Variants in AGBL4 observed in about 807,000 individuals in gnomAD.
The protein encoded by AGBL4 is cytosolic carboxypeptidase 6.
In AGBL4, 58 loss-of-function variants were observed where a neutral mutation model predicts 66.4. That is an observed-to-expected ratio of 0.87 (90% CI 0.71 to 1.09). AGBL4 has a LOEUF of 1.09. Among genes scored for constraint, AGBL4 ranks in the 50% least tolerant of loss-of-function variants. AGBL4 has a pLI of 0.00. For missense variants in AGBL4, 579 were observed against 631.0 expected (o/e 0.92, Z 0.88); for synonymous variants, 234 against 222.9 (o/e 1.05, Z -0.44).
intron 9 of AGBL4, among the ~76,000 whole-genome samples, chr1:48,628,798 T>C (rs1354384641): frequency 6.6e-6 from 1 of 151,390 alleles, no homozygotes; most frequent in Non-Finnish European, 1.5e-5. Context: ...AATGCAGATT[T>C]CTCAAAAAAG....
At position 49,644,109 on chromosome 1, in the gene AGBL4, C is replaced by A. The variant is rs899068960; in HGVS notation, c.282+53204G>T. Among the ~76,000 whole-genome samples, 15 of 151,486 alleles carry A rather than the reference C, an allele frequency of 9.9e-5. 1 individual carries two copies. Among genetic ancestry groups the A allele is most frequent in the Middle Eastern group, 6.8e-3 (2 of 294 alleles). On this transcript the variant is annotated intron_variant, in intron 3 of 13. Transcript: ENST00000371839. ...ATTCTTGTGAGGTTGTTATAATACA[C>A]AATAAGTGGCATAATATTACTTGAA...
At chr1:49,885,858 G>T in intron 1 of AGBL4, among the ~76,000 whole-genome samples, 1 of 152,102 alleles carries the variant, frequency 6.6e-6, no homozygotes, top group East Asian at 1.9e-4. Context: ...ATTCAGTACA[G>T]ACAATATAGT....
chr1:48,529,598 T>C (rs769562238), downstream of AGBL4, among the ~76,000 whole-genome samples: 2 of 152,132 alleles, frequency 1.3e-5, no homozygotes, highest in Non-Finnish European at 2.9e-5. Context: ...GTGGCCCTGA[T>C]GCCCCTTTGG....
At chr1:48,929,131 C>A (rs1654827804) in intron 5 of AGBL4, among the ~76,000 whole-genome samples, 1 of 152,222 alleles carries the variant, frequency 6.6e-6, no homozygotes, top group Non-Finnish European at 1.5e-5. Flanking sequence ...TATAACTTGG[C>A]ACATCTCCAA....
At chr1:49,354,861 A>G (rs895800984) in intron 3 of AGBL4, among the ~76,000 whole-genome samples, 9 of 152,220 alleles carry the variant, frequency 5.9e-5, no homozygotes, top group African/African-American at 2.2e-4. Context: ...ACAATTACTT[A>G]CCAGCTTATT....
At chr1:49,608,019 T>C (rs1645090886) in intron 3 of AGBL4, among the ~76,000 whole-genome samples, 1 of 152,294 alleles carries the variant, frequency 6.6e-6, no homozygotes, top group South Asian at 2.1e-4. Flanking sequence ...ATGTCTTTTA[T>C]GTGCCAGACT....
intron 4 of AGBL4, among the ~76,000 whole-genome samples, chr1:49,113,439 GA>G (rs1645453776): frequency 6.6e-6 from 1 of 151,628 alleles, no homozygotes; most frequent in Non-Finnish European, 1.5e-5. Context: ...TTTTAGTAGA[GA>G]TGGGGTTTGA....
At chr1:49,859,140 T>C (rs952213092) in intron 1 of AGBL4, among the ~76,000 whole-genome samples, 1 of 152,188 alleles carries the variant, frequency 6.6e-6, no homozygotes, top group Non-Finnish European at 1.5e-5. Context: ...AGTTGACATA[T>C]TAGCAATATC....
intron 3 of AGBL4, among the ~76,000 whole-genome samples, chr1:49,375,692 C>A (rs981129101): frequency 6.6e-6 from 1 of 152,082 alleles, no homozygotes. Flanking sequence ...GAAATATGGA[C>A]AAAGCACAAT....
intron 9 of AGBL4, among the ~76,000 whole-genome samples, chr1:48,605,034 C>T (rs1645134594): frequency 6.6e-6 from 1 of 152,200 alleles, no homozygotes; most frequent in Non-Finnish European, 1.5e-5. Flanking sequence ...ATACTATCAA[C>T]AACCTACACA....
intron 5 of AGBL4, among the ~76,000 whole-genome samples, chr1:49,041,536 A>G (rs973691030): frequency 2.0e-5 from 3 of 152,142 alleles, no homozygotes; most frequent in Non-Finnish European, 4.4e-5. Context: ...TCAAAGGGCC[A>G]GGACATGGTG....
At chr1:49,201,024 C>G (rs888591262) in intron 4 of AGBL4, among the ~76,000 whole-genome samples, 1 of 152,038 alleles carries the variant, frequency 6.6e-6, no homozygotes, top group Non-Finnish European at 1.5e-5. Context: ...TCTTATTGCC[C>G]CAGATAGTCC....
chr1:49,305,039 G>A (rs1355708686), intron 3 of AGBL4, among the ~76,000 whole-genome samples: 1 of 152,064 alleles, frequency 6.6e-6, no homozygotes, highest in East Asian at 1.9e-4. Flanking sequence ...AAGAATTACT[G>A]TCTTTACAGA....
chr1:48,825,891 G>A (rs1394521536), intron 6 of AGBL4, among the ~76,000 whole-genome samples: 1 of 152,166 alleles, frequency 6.6e-6, no homozygotes, highest in Admixed American at 6.5e-5. Flanking sequence ...AAGCAGGGAA[G>A]TCCTGTGCTG....
chr1:49,057,896 T>TG (rs1401698762), intron 4 of AGBL4, among the ~76,000 whole-genome samples: 2 of 152,150 alleles, frequency 1.3e-5, no homozygotes, highest in African/African-American at 4.8e-5. Context: ...ATGGAGTGAA[T>TG]GTGTATTGGT....
At chr1:49,466,514 G>A (rs747358995) in intron 3 of AGBL4, among the ~76,000 whole-genome samples, 9 of 151,750 alleles carry the variant, frequency 5.9e-5, no homozygotes, top group Non-Finnish European at 8.8e-5. Context: ...GTGCAGTGCC[G>A]AAACCATCAG....
At chr1:49,770,964 A>C (rs1571531064) in intron 2 of AGBL4, among the ~76,000 whole-genome samples, 1 of 151,476 alleles carries the variant, frequency 6.6e-6, no homozygotes, top group Non-Finnish European at 1.5e-5. Context: ...CCAACTCTTC[A>C]TTTCATTGAT....
At chr1:48,595,309 C>T (rs319965) in intron 9 of AGBL4, among the ~76,000 whole-genome samples, 11 of 151,990 alleles carry the variant, frequency 7.2e-5, no homozygotes, top group Non-Finnish European at 1.2e-4. Flanking sequence ...GACCAGAACA[C>T]GGCCTGGTAT....
chr1:48,849,738 C>T (rs1161890560), intron 6 of AGBL4, among the ~76,000 whole-genome samples: 1 of 152,116 alleles, frequency 6.6e-6, no homozygotes, highest in African/African-American at 2.4e-5. Flanking sequence ...TTTGGGAGGC[C>T]GAAGTGGACG....
Sources: gnomAD v4.1 joint callset for allele counts (sites outside exome capture counted in the v4.1 genomes callset) on GRCh38, gnomAD v4.1.1 for gene constraint, MANE v1.5 for transcripts, NCBI Gene and HGNC (gene_info 2026-07-23, HGNC 2026-07-21) for gene names.